The following IFT56 variants were observed in gnomAD, a reference collection of about 807,000 sequenced individuals.
The protein encoded by IFT56 is intraflagellar transport 56.
chr7:139,141,150 A>G, the IFT56 span, among the ~76,000 whole-genome samples: 1 of 151,316 alleles, frequency 6.6e-6, no homozygotes, highest in Non-Finnish European at 1.5e-5. Context: ...AGTCCCAGCT[A>G]CTCGGGAGGC....
chr7:139,139,808 T>G, the IFT56 span: 3 of 856,794 alleles, frequency 3.5e-6, no homozygotes, highest in Non-Finnish European at 5.6e-6. Flanking sequence ...AATCTCAGTA[T>G]GAAATCCTAT....
the IFT56 span, chr7:139,137,757 T>C: frequency 1.0e-6 from 1 of 978,160 alleles, no homozygotes; most frequent in East Asian, 2.5e-5. Flanking sequence ...AGATTGCCTG[T>C]TGTCAGTAAC....
the IFT56 span, among the ~76,000 whole-genome samples, chr7:139,142,011 A>G: frequency 3.3e-5 from 5 of 152,224 alleles, no homozygotes; most frequent in Non-Finnish European, 7.4e-5. Flanking sequence ...GTGGATCACC[A>G]TAATAGGATC....
At chr7:139,144,938 G>T in the IFT56 span, among the ~76,000 whole-genome samples, 1 of 152,128 alleles carries the variant, frequency 6.6e-6, no homozygotes, top group Non-Finnish European at 1.5e-5. Context: ...TCAGTCAAAT[G>T]TTCTTATCTC....
At chr7:139,134,694 C>A in the IFT56 span, 4 of 1,613,878 alleles carry the variant, frequency 2.5e-6, no homozygotes, top group Non-Finnish European at 3.4e-6. Flanking sequence ...CAGAGGCGTA[C>A]AGCACACTGA....
the IFT56 span, chr7:139,180,959 A>G: frequency 1.8e-6 from 1 of 558,636 alleles, no homozygotes; most frequent in African/African-American, 1.9e-5. Flanking sequence ...CCAACATTGC[A>G]AGCTTTCCAT....
At chr7:139,178,345 A>G in the IFT56 span, 12 of 1,544,132 alleles carry the variant, frequency 7.8e-6, no homozygotes, top group African/African-American at 1.4e-4. Context: ...ACAAAATACT[A>G]TGGAATGTGT....
chr7:139,165,316 CT>C, the IFT56 span: 2 of 890,058 alleles, frequency 2.2e-6, no homozygotes, highest in South Asian at 3.7e-5. Context: ...ATTTGCTTCA[CT>C]TTTTAAATCC....
chr7:139,178,579 A>G, the IFT56 span: 1 of 1,614,178 alleles, frequency 6.2e-7, no homozygotes, highest in Non-Finnish European at 8.5e-7. Context: ...GCAACAGGCA[A>G]TACCAGTGAG....
chr7:139,168,430 G>T, the IFT56 span: 2 of 1,568,596 alleles, frequency 1.3e-6, no homozygotes, highest in Non-Finnish European at 1.8e-6. Flanking sequence ...TCTATAGGTT[G>T]CAAAGTTATA....
the IFT56 span, among the ~76,000 whole-genome samples, chr7:139,177,611 A>AGTGTGTGTGTGTGTGTGTGTGT: frequency 6.7e-6 from 1 of 148,476 alleles, no homozygotes; most frequent in African/African-American, 2.5e-5. Flanking sequence ...ATATATATAT[A>AGTGTGTGTGTGTGTGTGTGTGT]GTGTGTGTGT....
chr7:139,160,228 A>G, the IFT56 span, among the ~76,000 whole-genome samples: 4 of 152,212 alleles, frequency 2.6e-5, 1 homozygote, highest in Middle Eastern at 9.5e-3. Flanking sequence ...AGAAAAGCTT[A>G]GCAACCCACT....
chr7:139,139,529 TC>T, the IFT56 span, among the ~76,000 whole-genome samples: 61 of 152,272 alleles, frequency 4.0e-4, no homozygotes, highest in African/African-American at 1.4e-3. Context: ...ATTAAAGCCA[TC>T]AGATTTTAAG....
At chr7:139,145,804 AG>A in the IFT56 span, among the ~76,000 whole-genome samples, 1 of 152,144 alleles carries the variant, frequency 6.6e-6, no homozygotes, top group Non-Finnish European at 1.5e-5. Flanking sequence ...TAATATTATT[AG>A]TAGTGAAAGT....
chr7:139,139,873 C>T, the IFT56 span: 44 of 1,557,784 alleles, frequency 2.8e-5, no homozygotes, highest in Non-Finnish European at 3.8e-5. Context: ...GAGATCACTG[C>T]TTACTATATA....
the IFT56 span, among the ~76,000 whole-genome samples, chr7:139,171,391 C>T: frequency 7.2e-5 from 11 of 152,252 alleles, no homozygotes; most frequent in African/African-American, 2.6e-4. Context: ...CAAAGCTGTT[C>T]TGAGCAGAAA....
the IFT56 span, chr7:139,160,886 A>C: frequency 4.1e-6 from 5 of 1,213,104 alleles, no homozygotes; most frequent in Non-Finnish European, 5.9e-6. Context: ...CCATTGTGTC[A>C]ATATGTGGTA....
At chr7:139,149,871 A>G in the IFT56 span, among the ~76,000 whole-genome samples, 1 of 152,154 alleles carries the variant, frequency 6.6e-6, no homozygotes, top group Non-Finnish European at 1.5e-5. Flanking sequence ...TTTTAATAAC[A>G]TAATTTTATT....
the IFT56 span, among the ~76,000 whole-genome samples, chr7:139,177,312 TA>T: frequency 6.6e-6 from 1 of 151,824 alleles, no homozygotes; most frequent in Non-Finnish European, 1.5e-5. Context: ...TTTTGCCTGA[TA>T]TCAGATTCCT....
Sources: gnomAD v4.1 joint callset for allele counts (sites outside exome capture counted in the v4.1 genomes callset) on GRCh38, gnomAD v4.1.1 for gene constraint, MANE v1.5 for transcripts, NCBI Gene and HGNC (gene_info 2026-07-23, HGNC 2026-07-21) for gene names.